GRM8: variants seen among roughly 807,000 people sequenced by gnomAD.
The protein encoded by GRM8 is metabotropic glutamate receptor 8.
GRM8 carries 47 observed loss-of-function variants against 87.2 expected under a neutral mutation model. That is an observed-to-expected ratio of 0.54 (90% CI 0.43 to 0.69). The LOEUF is 0.69. Ranked by LOEUF, GRM8 falls within the 30% of genes least tolerant of loss-of-function variation. The pLI, the probability that GRM8 is intolerant of heterozygous loss-of-function variation, is 0.00. For missense variants in GRM8, 1,019 were observed against 1,139.2 expected, an observed-to-expected ratio of 0.89 and a Z score of 1.52; for synonymous variants, 396 against 404.5, an observed-to-expected ratio of 0.98 and a Z score of 0.25.
At chr7:126,531,171 T>C (rs1047196271) in intron 9 of GRM8, among the ~76,000 whole-genome samples, 6 of 152,236 alleles carry the variant, frequency 3.9e-5, no homozygotes, top group Middle Eastern at 3.2e-3. Flanking sequence ...ATTTATAATA[T>C]GATAGCCCTT....
intron 3 of GRM8, among the ~76,000 whole-genome samples, chr7:126,937,026 C>T (rs538640479): frequency 5.3e-5 from 8 of 152,284 alleles, no homozygotes; most frequent in African/African-American, 1.7e-4. Context: ...GACAGAGATA[C>T]AGATATTGAC....
intron 2 of GRM8, among the ~76,000 whole-genome samples, chr7:127,169,076 C>A (rs1793629234): frequency 6.9e-6 from 1 of 145,028 alleles, no homozygotes; most frequent in South Asian, 2.2e-4. Flanking sequence ...AAAAATAAGC[C>A]AGGAAAAAAA....
chr7:127,065,894 TA>T (rs1006302607), intron 3 of GRM8, among the ~76,000 whole-genome samples: 50 of 152,124 alleles, frequency 3.3e-4, no homozygotes, highest in African/African-American at 1.1e-3. Flanking sequence ...TCTTTCCCTG[TA>T]AAAAAAAGAA....
chr7:127,233,490 T>C (rs765936335), intron 2 of GRM8, among the ~76,000 whole-genome samples: 8 of 152,126 alleles, frequency 5.3e-5, no homozygotes, highest in Non-Finnish European at 8.8e-5. Flanking sequence ...ACAAATAAAA[T>C]TGCCACAACA....
intron 2 of GRM8, among the ~76,000 whole-genome samples, chr7:127,136,214 G>T (rs932896329): frequency 2.6e-5 from 4 of 151,584 alleles, no homozygotes; most frequent in African/African-American, 7.3e-5. Flanking sequence ...TAGAATTGGG[G>T]TTATCAAATT....
intron 6 of GRM8, among the ~76,000 whole-genome samples, chr7:126,885,622 T>A (rs1418869774): frequency 6.6e-6 from 1 of 152,150 alleles, no homozygotes; most frequent in African/African-American, 2.4e-5. Flanking sequence ...TTTTGTAGCA[T>A]GAGATGTTTA....
At chr7:126,553,717 A>G (rs1253308665) in intron 8 of GRM8, among the ~76,000 whole-genome samples, 2 of 152,190 alleles carry the variant, frequency 1.3e-5, no homozygotes, top group African/African-American at 4.8e-5. Context: ...CCTAATACCC[A>G]ATTGTATTGA....
chr7:126,818,256 G>A (rs1793975948), intron 6 of GRM8, among the ~76,000 whole-genome samples: 1 of 152,240 alleles, frequency 6.6e-6, no homozygotes, highest in Admixed American at 6.5e-5. Context: ...TTGGCTTCTA[G>A]ACGAGATATT....
At chr7:126,785,352 C>A (rs1249147060) in intron 6 of GRM8, among the ~76,000 whole-genome samples, 1 of 152,086 alleles carries the variant, frequency 6.6e-6, no homozygotes, top group Non-Finnish European at 1.5e-5. Flanking sequence ...CACATCTTGG[C>A]TGCTGCAATT....
chr7:126,532,149 C>T (rs1814918877), intron 9 of GRM8, among the ~76,000 whole-genome samples: 1 of 152,198 alleles, frequency 6.6e-6, no homozygotes, highest in African/African-American at 2.4e-5. Context: ...ACACTCCCTT[C>T]CTATACAGAT....
chr7:126,939,427 T>A (rs1294343469), intron 3 of GRM8, among the ~76,000 whole-genome samples: 1 of 152,168 alleles, frequency 6.6e-6, no homozygotes, highest in Admixed American at 6.5e-5. Context: ...GGTTTCCTCA[T>A]CTATAACATG....
chr7:127,018,415 T>TTTA (rs1491191108), intron 3 of GRM8, among the ~76,000 whole-genome samples: 1 of 81,352 alleles, frequency 1.2e-5, no homozygotes, highest in Non-Finnish European at 2.3e-5. Context: ...TTAAAGTGGC[T>TTTA]TTTTTTTTTT....
intron 9 of GRM8, among the ~76,000 whole-genome samples, 170 bp downstream of exon 9, chr7:126,532,782 T>G (rs1407616924): frequency 7.7e-4 from 9 of 11,640 alleles, no homozygotes; most frequent in Non-Finnish European, 1.6e-3. Context: ...TATATATATA[T>G]ATATATATAT....
chr7:126,794,228 T>A (rs1032815275), intron 6 of GRM8, among the ~76,000 whole-genome samples: 2 of 152,096 alleles, frequency 1.3e-5, no homozygotes, highest in Non-Finnish European at 2.9e-5. Flanking sequence ...TATCCTGATA[T>A]ACAATCTTGA....
chr7:126,947,032 G>C (rs757685925), intron 3 of GRM8, among the ~76,000 whole-genome samples: 12 of 152,158 alleles, frequency 7.9e-5, no homozygotes, highest in Non-Finnish European at 1.0e-4. Flanking sequence ...CTTCCATGAA[G>C]CTGGAGCCCC....
At chr7:126,593,969 A>AAATAGAC (rs1349793175) in intron 8 of GRM8, among the ~76,000 whole-genome samples, 2 of 152,126 alleles carry the variant, frequency 1.3e-5, no homozygotes, top group African/African-American at 4.8e-5. Flanking sequence ...GAAGACATAC[A>AAATAGAC]AATAGACAAT....
At chr7:126,499,403 G>C (rs1188552092) in intron 9 of GRM8, among the ~76,000 whole-genome samples, 1 of 143,686 alleles carries the variant, frequency 7.0e-6, no homozygotes, top group Non-Finnish European at 1.5e-5. Context: ...AAATAGTATA[G>C]AGGTTCCTCC....
At chr7:127,017,336 T>G (rs1419434) in intron 3 of GRM8, among the ~76,000 whole-genome samples, 4,741 of 152,052 alleles carry the variant, frequency 0.031, 172 homozygotes, top group East Asian at 0.13. Context: ...GTGTACTGCT[T>G]GATGGAGAAC....
At chr7:126,756,748 T>C (rs930007688) in intron 7 of GRM8, among the ~76,000 whole-genome samples, 10 of 151,994 alleles carry the variant, frequency 6.6e-5, no homozygotes, top group Admixed American at 2.0e-4. Context: ...TTCCCAGAGA[T>C]GAGGTGGGAA....
Sources: allele counts gnomAD v4.1 joint callset (sites outside exome capture counted in the v4.1 genomes callset), GRCh38; gene constraint gnomAD v4.1.1; transcripts MANE v1.5; gene names NCBI Gene and HGNC (gene_info 2026-07-23, HGNC 2026-07-21).